LDLRAD3: variants seen among roughly 807,000 people sequenced by gnomAD.
LDLRAD3 encodes the protein low-density lipoprotein receptor class A domain-containing protein 3.
Under a neutral mutation model 29.4 loss-of-function variants are expected in LDLRAD3, and 20 were observed. That is an observed-to-expected ratio of 0.68 (90% CI 0.48 to 0.99). The LOEUF (loss-of-function observed/expected upper bound fraction) is 0.99, where lower values mean the gene tolerates loss of function less well. Among genes scored for constraint, LDLRAD3 ranks in the 50% least tolerant of loss-of-function variants. The pLI, the probability that LDLRAD3 is intolerant of heterozygous loss-of-function variation, is 0.00. For missense variants in LDLRAD3, 420 were observed against 454.3 expected (o/e 0.92, Z 0.69); for synonymous variants, 157 against 192.7 (o/e 0.81, Z 1.53).
chr11:36,159,734 C>T (rs1435471413), intron 4 of LDLRAD3, among the ~76,000 whole-genome samples: 1 of 151,776 alleles, frequency 6.6e-6, no homozygotes, highest in African/African-American at 2.4e-5. Flanking sequence ...GATCATGCCA[C>T]TGCACTCCAG....
intron 1 of LDLRAD3, chr11:35,997,448 C>T: frequency 2.6e-6 from 1 of 391,752 alleles, no homozygotes; most frequent in Non-Finnish European, 5.0e-6. Context: ...ACCCTTCTGG[C>T]AGTGGCAGAT....
intron 4 of LDLRAD3, among the ~76,000 whole-genome samples, chr11:36,122,526 A>G (rs190096907): frequency 3.2e-4 from 49 of 152,310 alleles, no homozygotes; most frequent in Non-Finnish European, 2.9e-4. Context: ...AGACACTGCA[A>G]TTATTCGTTC....
At chr11:35,981,495 A>G (rs1851541118) in intron 1 of LDLRAD3, among the ~76,000 whole-genome samples, 1 of 152,220 alleles carries the variant, frequency 6.6e-6, no homozygotes, top group Non-Finnish European at 1.5e-5. Context: ...CAGAAAAATA[A>G]CTCATGAATA....
At chr11:35,958,808 C>T (rs1202980261) in intron 1 of LDLRAD3, among the ~76,000 whole-genome samples, 1 of 152,098 alleles carries the variant, frequency 6.6e-6, no homozygotes, top group Middle Eastern at 3.2e-3. Context: ...AGAGTGTTAC[C>T]TAGGGGGTGG....
intron 1 of LDLRAD3, among the ~76,000 whole-genome samples, chr11:36,025,475 G>A (rs953723022): frequency 1.3e-5 from 2 of 148,158 alleles, no homozygotes; most frequent in African/African-American, 5.0e-5. Flanking sequence ...TGCAAGCACC[G>A]CCTCCAGGGT....
chr11:36,199,473 T>C (rs1855085440), intron 4 of LDLRAD3, among the ~76,000 whole-genome samples: 1 of 152,198 alleles, frequency 6.6e-6, no homozygotes, highest in Non-Finnish European at 1.5e-5. Flanking sequence ...CAATACAAGT[T>C]GATTCATTCA....
At chr11:36,027,207 G>T (rs1364084152) in intron 1 of LDLRAD3, among the ~76,000 whole-genome samples, 2 of 152,196 alleles carry the variant, frequency 1.3e-5, no homozygotes, top group Non-Finnish European at 2.9e-5. Context: ...GGGTGTAAAA[G>T]AGAGCCCTCT....
intron 1 of LDLRAD3, chr11:36,001,238 C>T (rs1851820040): frequency 6.6e-6 from 1 of 152,156 alleles, no homozygotes; most frequent in Admixed American, 6.5e-5. Context: ...TTTTAGGGTA[C>T]ATGTGCACAA....
chr11:36,147,417 C>T (rs1854214111), intron 4 of LDLRAD3, among the ~76,000 whole-genome samples: 1 of 152,102 alleles, frequency 6.6e-6, no homozygotes, highest in Admixed American at 6.5e-5. Context: ...CACACCCGGC[C>T]CCTCTATTTA....
chr11:36,040,299 ATTT>A (rs528198757), intron 2 of LDLRAD3, among the ~76,000 whole-genome samples: 8 of 147,758 alleles, frequency 5.4e-5, no homozygotes, highest in Non-Finnish European at 9.0e-5. Flanking sequence ...AGACAGGAAG[ATTT>A]TTTTTTTTTA....
At chr11:36,006,241 CA>C (rs1344278454) in intron 1 of LDLRAD3, among the ~76,000 whole-genome samples, 1 of 152,154 alleles carries the variant, frequency 6.6e-6, no homozygotes, top group Non-Finnish European at 1.5e-5. Context: ...ACCAGAGTTA[CA>C]ATTAATTCAC....
chr11:36,165,731 C>T (rs1419654853), intron 4 of LDLRAD3, among the ~76,000 whole-genome samples: 1 of 151,630 alleles, frequency 6.6e-6, no homozygotes, highest in Admixed American at 6.6e-5. Context: ...AACTTCTCAC[C>T]TCCCCCTCCC....
intron 4 of LDLRAD3, among the ~76,000 whole-genome samples, chr11:36,128,114 T>TTACATATATATATATATATA: frequency 1.5e-5 from 1 of 65,578 alleles, no homozygotes; most frequent in Middle Eastern, 7.6e-3. Flanking sequence ...AGAGTTGTTT[T>TTACATATATATATATATATA]TACATATATA....
rs181709861 is a variant in LDLRAD3 at position 36,163,931 on chromosome 11, C to T, written c.455-63154C>T. 3.0e-3 allele frequency among the ~76,000 whole-genome samples: 452 copies of T among 152,304 alleles called. 1 individual carries two copies. The highest frequency in any genetic ancestry group is 5.0e-3 in the Non-Finnish European group (340 of 68,036). ...ATTTTGCTCCCGTTTTCATCTTTGTCCCTAGTGCTGAGTGGCTTCAGTTTT... is the reference window on the plus strand; with the variant it reads ...ATTTTGCTCCCGTTTTCATCTTTGTTCCTAGTGCTGAGTGGCTTCAGTTTT... On this transcript the variant is annotated intron_variant, in intron 4 of 5. Coordinates refer to ENST00000315571, the MANE Select transcript of LDLRAD3 (RefSeq NM_174902.4).
At chr11:36,058,776 T>C (rs1257724354) in intron 2 of LDLRAD3, among the ~76,000 whole-genome samples, 2 of 152,156 alleles carry the variant, frequency 1.3e-5, no homozygotes, top group African/African-American at 4.8e-5. Context: ...ACAATTGGGG[T>C]TGCAGCTGGT....
chr11:36,190,557 G>A (rs1854925498), intron 4 of LDLRAD3, among the ~76,000 whole-genome samples: 1 of 151,844 alleles, frequency 6.6e-6, no homozygotes, highest in African/African-American at 2.4e-5. Flanking sequence ...TATCCCAGAA[G>A]GTAGAAAAAC....
At chr11:36,077,717 A>G (rs1361743290) in intron 2 of LDLRAD3, among the ~76,000 whole-genome samples, 2 of 152,206 alleles carry the variant, frequency 1.3e-5, no homozygotes, top group African/African-American at 4.8e-5. Flanking sequence ...TTCAGCAACC[A>G]CAGAGCCCTA....
chr11:36,041,726 C>T (rs1488537965), intron 2 of LDLRAD3, among the ~76,000 whole-genome samples: 1 of 152,140 alleles, frequency 6.6e-6, no homozygotes, highest in Non-Finnish European at 1.5e-5. Context: ...TGCTGTCTCT[C>T]CGTGTTCTAA....
intron 1 of LDLRAD3, among the ~76,000 whole-genome samples, chr11:35,950,675 C>T (rs1851120199): frequency 6.6e-6 from 1 of 152,094 alleles, no homozygotes; most frequent in Non-Finnish European, 1.5e-5. Flanking sequence ...TTTGTGGTGT[C>T]TAGAAGAGTG....
Sources: gnomAD v4.1 joint callset for allele counts (sites outside exome capture counted in the v4.1 genomes callset) on GRCh38, gnomAD v4.1.1 for gene constraint, MANE v1.5 for transcripts, NCBI Gene and HGNC (gene_info 2026-07-23, HGNC 2026-07-21) for gene names.